The following BICC1 variants were observed in gnomAD, a reference collection of about 807,000 sequenced individuals.
The protein encoded by BICC1 is protein bicaudal C homolog 1.
BICC1 carries 43 observed loss-of-function variants against 111.0 expected under a neutral mutation model. The ratio of observed to expected loss-of-function variants is 0.39; its 90% CI spans 0.30 to 0.50. BICC1 has a LOEUF of 0.50. Among genes scored for constraint, BICC1 ranks in the 20% least tolerant of loss-of-function variants. The pLI, the probability that BICC1 is intolerant of heterozygous loss-of-function variation, is 0.88. For synonymous variants in BICC1, 467 were observed against 434.4 expected, an observed-to-expected ratio of 1.07 and a Z score of -0.93; for missense variants, 1,091 against 1,203.2, an observed-to-expected ratio of 0.91 and a Z score of 1.38.
intron 8 of BICC1, among the ~76,000 whole-genome samples, chr10:58,790,913 C>T (rs1843156642): frequency 6.6e-6 from 1 of 152,222 alleles, no homozygotes. Flanking sequence ...GTATTAAAAA[C>T]ACCATTGTAT....
intron 1 of BICC1, among the ~76,000 whole-genome samples, chr10:58,582,270 G>A (rs536664683): frequency 6.6e-6 from 1 of 152,274 alleles, no homozygotes; most frequent in East Asian, 1.9e-4. Context: ...CAGCAATAAT[G>A]AGTCATATTG....
intron 2 of BICC1, among the ~76,000 whole-genome samples, chr10:58,672,526 T>C (rs532554866): frequency 3.8e-4 from 58 of 152,242 alleles, no homozygotes; most frequent in Non-Finnish European, 7.6e-4. Flanking sequence ...TTAGACTAGT[T>C]GGGGTCTGTA....
At chr10:58,588,357 C>A (rs1006141109) in intron 1 of BICC1, among the ~76,000 whole-genome samples, 2 of 152,080 alleles carry the variant, frequency 1.3e-5, no homozygotes, top group Non-Finnish European at 1.5e-5. Context: ...GAGGTGCTGG[C>A]GGGTGCATGG....
At chr10:58,791,738 TA>T (rs974718987) in intron 8 of BICC1, among the ~76,000 whole-genome samples, 14 of 148,930 alleles carry the variant, frequency 9.4e-5, no homozygotes, top group Non-Finnish European at 1.3e-4. Flanking sequence ...AGACTCCGTT[TA>T]AAAAAAAAAA....
intron 2 of BICC1, among the ~76,000 whole-genome samples, chr10:58,636,155 A>G (rs967046392): frequency 6.6e-6 from 1 of 152,186 alleles, no homozygotes; most frequent in African/African-American, 2.4e-5. Flanking sequence ...GTGGGACTGT[A>G]TGGGACCTTA....
In BICC1 at chr10:58,830,147, A is replaced by G. The variant is rs1380915175; in HGVS notation, c.*1256A>G. On this transcript the variant is annotated 3_prime_UTR_variant, in exon 21 of 21. Coordinates refer to ENST00000373886, the MANE Select transcript of BICC1 (RefSeq NM_001080512.3). ...AGTTCATAAAGACAGCTAAGTTCTGAAGGAAAAAAAAAATATATCTTTTTA... is the reference window on the plus strand; with the variant it reads ...AGTTCATAAAGACAGCTAAGTTCTGGAGGAAAAAAAAAATATATCTTTTTA... 6.6e-6 allele frequency: 1 copy of G among 152,020 alleles called. No individual in the cohort carries two copies. The highest frequency in any genetic ancestry group is 1.9e-4 in the East Asian group (1 of 5,182). The allele number at this position is 152,020 out of a possible 1,614,324, so 9.4% of individuals were successfully genotyped here.
intron 20 of BICC1, among the ~76,000 whole-genome samples, chr10:58,827,737 TA>T (rs1287234508): frequency 6.6e-6 from 1 of 152,126 alleles, no homozygotes; most frequent in African/African-American, 2.4e-5. Flanking sequence ...TAGTACCATA[TA>T]GAAACATTTT....
intron 2 of BICC1, among the ~76,000 whole-genome samples, chr10:58,625,538 T>C (rs1345587130): frequency 6.6e-6 from 1 of 152,228 alleles, no homozygotes; most frequent in Non-Finnish European, 1.5e-5. Context: ...AGGACTATGT[T>C]ATATTCTTTG....
chr10:58,572,654 A>G (rs1469116253), intron 1 of BICC1, among the ~76,000 whole-genome samples: 2 of 152,182 alleles, frequency 1.3e-5, no homozygotes, highest in East Asian at 1.9e-4. Context: ...AAAGTCTTCA[A>G]TGTTTATCTC....
chr10:58,807,917 G>A (rs1843761445), intron 17 of BICC1, among the ~76,000 whole-genome samples: 1 of 152,192 alleles, frequency 6.6e-6, no homozygotes. Flanking sequence ...GAGTCACAGT[G>A]TTCAACCAGA....
At chr10:58,544,018 T>TA (rs1348885760) in intron 1 of BICC1, among the ~76,000 whole-genome samples, 1 of 152,012 alleles carries the variant, frequency 6.6e-6, no homozygotes, top group Non-Finnish European at 1.5e-5. Flanking sequence ...TTACCTTTGT[T>TA]ACAGTTTAAA....
At chr10:58,716,418 A>T (rs1054372199) in intron 3 of BICC1, among the ~76,000 whole-genome samples, 1 of 152,214 alleles carries the variant, frequency 6.6e-6, no homozygotes, top group African/African-American at 2.4e-5. Flanking sequence ...TGGACTATTC[A>T]GTAGCCACTC....
At chr10:58,772,603 T>TA (rs536323398) in intron 3 of BICC1, among the ~76,000 whole-genome samples, 93 of 152,332 alleles carry the variant, frequency 6.1e-4, no homozygotes, top group African/African-American at 2.0e-3. Flanking sequence ...CCACACTACT[T>TA]ACAGCAGGAC....
At chr10:58,691,516 G>A (rs1167652488) in intron 2 of BICC1, among the ~76,000 whole-genome samples, 1 of 152,150 alleles carries the variant, frequency 6.6e-6, no homozygotes, top group Non-Finnish European at 1.5e-5. Context: ...CTTTGGTTTG[G>A]AGCAGAGGTC....
At chr10:58,620,600 C>G (rs939289900) in intron 1 of BICC1, among the ~76,000 whole-genome samples, 4 of 152,148 alleles carry the variant, frequency 2.6e-5, no homozygotes, top group Non-Finnish European at 4.4e-5. Context: ...CTTTCATCAT[C>G]TAAGTGTGCA....
chr10:58,773,874 C>A (rs148629884), intron 3 of BICC1, among the ~76,000 whole-genome samples: 21 of 152,158 alleles, frequency 1.4e-4, no homozygotes, highest in Non-Finnish European at 2.6e-4. Flanking sequence ...GAGAATAATA[C>A]CCAAATATTG....
intron 3 of BICC1, among the ~76,000 whole-genome samples, chr10:58,747,231 A>G (rs1379154196): frequency 6.6e-6 from 1 of 152,178 alleles, no homozygotes; most frequent in African/African-American, 2.4e-5. Flanking sequence ...GTAAACTTGC[A>G]TTTGATAAAG....
chr10:58,821,173 G>T (rs115299993), intron 20 of BICC1, among the ~76,000 whole-genome samples: 2 of 152,228 alleles, frequency 1.3e-5, no homozygotes, highest in East Asian at 3.9e-4. Flanking sequence ...TCAAAAAAGC[G>T]TTTAGAAAAA....
chr10:58,712,845 C>T (rs7896348), intron 3 of BICC1, among the ~76,000 whole-genome samples: 45,255 of 151,882 alleles, frequency 0.3, 7,731 homozygotes, highest in African/African-American at 0.47. Context: ...TGACAGTCCC[C>T]GGGGAGGCTG....
Sources: gnomAD v4.1 joint callset for allele counts (sites outside exome capture counted in the v4.1 genomes callset) on GRCh38, gnomAD v4.1.1 for gene constraint, MANE v1.5 for transcripts, NCBI Gene and HGNC (gene_info 2026-07-23, HGNC 2026-07-21) for gene names.